Variants in CHD7 observed in about 807,000 individuals in gnomAD.
CHD7 encodes chromodomain helicase DNA binding protein 7.
Under a neutral mutation model 307.3 loss-of-function variants are expected in CHD7, and 24 were observed. The observed-to-expected ratio is 0.08, with a 90% confidence interval of 0.06 to 0.11. CHD7 has a LOEUF of 0.11. Among genes scored for constraint, CHD7 ranks in the 10% least tolerant of loss-of-function variants. The pLI, the probability that CHD7 is intolerant of heterozygous loss-of-function variation, is 1.00. For missense variants in CHD7, 3,106 were observed against 3,727.1 expected (o/e 0.83, Z 4.34); for synonymous variants, 1,363 against 1,349.9 (o/e 1.01, Z -0.21).
In CHD7 at chr8:60,801,522, T is replaced by C; in HGVS notation, c.2377-6T>C. Reference sequence around the variant, plus strand: ...TTTGGATTGATGCACATGCCTTTTTTTTTAGGAATCTGTTGATGCAGAAGG... The same window carrying C: ...TTTGGATTGATGCACATGCCTTTTTCTTTAGGAATCTGTTGATGCAGAAGG... On this transcript the variant is annotated splice_polypyrimidine_tract_variant and splice_region_variant and intron_variant, in intron 5 of 37. Coordinates refer to ENST00000423902, the MANE Select transcript of CHD7 (RefSeq NM_017780.4). 1 of 1,564,366 alleles carries C rather than the reference T, an allele frequency of 6.4e-7. No individual in the cohort carries two copies. Among genetic ancestry groups the C allele is most frequent in the Admixed American group, 1.9e-5 (1 of 52,806 alleles).
chr8:60,813,365 A>G (rs1223698647), intron 7 of CHD7, among the ~76,000 whole-genome samples: 1 of 152,122 alleles, frequency 6.6e-6, no homozygotes, highest in Non-Finnish European at 1.5e-5. Flanking sequence ...AGCTTTACTT[A>G]TTATTTTCTA....
rs2150786767 is a variant in CHD7, at chr8:60,841,973, C to T, written c.4771C>T (p.Pro1591Ser). The change falls in exon 21 of 38, where the codon CCA (proline) becomes TCA (serine). Residue 1591 changes from proline (P) to serine (S), a missense_variant. Coordinates refer to ENST00000423902, the MANE Select transcript of CHD7 (RefSeq NM_017780.4). ...SDSEEKPCAK[P>S]RRPQDKSQGY... ...TTCTGAAGAAAAGCCCTGTGCAAAG[C>T]CACGGCGTCCCCAGGATAAGTCACA... The T allele has an allele frequency of 1.2e-6, 2 of 1,613,660 alleles. No individual in the cohort carries two copies. Among genetic ancestry groups the T allele is most frequent in the Non-Finnish European group, 1.7e-6 (2 of 1,179,762 alleles).
chr8:60,845,089 C>T (rs1285978262), intron 22 of CHD7, 26 bp downstream of exon 22: 1 of 1,609,878 alleles, frequency 6.2e-7, no homozygotes. Flanking sequence ...GCTGTTTGTG[C>T]TACAGGGTCA....
intron 2 of CHD7, among the ~76,000 whole-genome samples, chr8:60,761,335 A>G (rs1226469068): frequency 9.2e-6 from 1 of 108,272 alleles, no homozygotes; most frequent in East Asian, 2.8e-4. Flanking sequence ...CACTCTGGGG[A>G]CTGTTGTGGG....
intron 1 of CHD7, among the ~76,000 whole-genome samples, chr8:60,718,683 A>G (rs1807741740): frequency 6.6e-6 from 1 of 152,244 alleles, no homozygotes; most frequent in African/African-American, 2.4e-5. Context: ...TTTATTGAAG[A>G]AAGAAAAATT....
At chr8:60,863,291 CCT>C (rs1806090637) in intron 37 of CHD7, 1 of 152,132 alleles carries the variant, frequency 6.6e-6, no homozygotes, top group South Asian at 2.1e-4. Flanking sequence ...GTTGTCCATC[CCT>C]GTCTTTTTGA....
intron 15 of CHD7, among the ~76,000 whole-genome samples, chr8:60,834,788 C>A (rs1380081880): frequency 6.6e-6 from 1 of 152,186 alleles, no homozygotes; most frequent in Admixed American, 6.5e-5. Flanking sequence ...TTGACCATGT[C>A]ATAAGGTAAT....
chr8:60,860,934 G>T lies in CHD7; in HGVS notation c.7639G>T (p.Glu2547Ter). ...TGCTGAGGTGACCAAAGCTTTTGAA[G>T]AAGATATAGAGACCCCACCAACAAG... ...EDAEVTKAFE[E>*]DIETPPTRNI... The change falls in exon 35 of 38, where the codon GAA (glutamate) becomes TAA (stop). Residue 2547 changes from glutamate to a stop codon, truncating the protein, a stop_gained. Coordinates refer to ENST00000423902, the MANE Select transcript of CHD7 (RefSeq NM_017780.4). LOFTEE classifies it high-confidence loss of function. The T allele has an allele frequency of 6.2e-7, 1 of 1,613,706 alleles. No individual in the cohort carries two copies. The highest frequency in any genetic ancestry group is 8.5e-7 in the Non-Finnish European group (1 of 1,179,796).
chr8:60,696,645 A>G (rs549564349), intron 1 of CHD7, among the ~76,000 whole-genome samples: 1 of 151,638 alleles, frequency 6.6e-6, no homozygotes, highest in East Asian at 1.9e-4. Flanking sequence ...CAGTCTTTCT[A>G]CTTTTTAAAT....
At chr8:60,823,519 T>G (rs1804139112) in intron 12 of CHD7, among the ~76,000 whole-genome samples, 1 of 152,212 alleles carries the variant, frequency 6.6e-6, no homozygotes, top group African/African-American at 2.4e-5. Flanking sequence ...AATCTGTGTT[T>G]ATCTTTAGAT....
At chr8:60,841,795 C>T (rs759382668) in intron 20 of CHD7, 41 bp downstream of exon 20, 1 of 1,608,366 alleles carries the variant, frequency 6.2e-7, no homozygotes, top group South Asian at 1.1e-5. Flanking sequence ...CTGATCTAAA[C>T]CAAGAGCCAC....
In CHD7 at chr8:60,820,063, T is replaced by C. The variant is rs1285260989; in HGVS notation, c.2670T>C (p.Phe890=). The C allele has an allele frequency of 1.2e-6, 2 of 1,611,182 alleles. No individual in the cohort carries two copies. The highest frequency in any genetic ancestry group is 1.3e-5 in the African/African-American group (1 of 74,968). The change falls in exon 9 of 38, where the codon TTT becomes TTC. Residue 890 remains phenylalanine (F), a synonymous_variant. Coordinates refer to ENST00000423902, the MANE Select transcript of CHD7 (RefSeq NM_017780.4). ...DYVEVDRIMD[F]ARSTDDRGEP... is the part of the protein sequence containing the mutation. Reference sequence around the variant, plus strand: ...TGGAGGTTGACCGGATAATGGACTTTGCACGTAGCACAGATGACCGGGGAG... The same window carrying C: ...TGGAGGTTGACCGGATAATGGACTTCGCACGTAGCACAGATGACCGGGGAG...
chr8:60,853,151 C>T lies in CHD7; in HGVS notation c.6426C>T (p.Ser2142=). 2 of 1,613,912 alleles carry T rather than the reference C, an allele frequency of 1.2e-6. No individual in the cohort carries two copies. Among genetic ancestry groups the T allele is most frequent in the South Asian group, 1.1e-5 (1 of 91,066 alleles). Reference sequence around the variant, plus strand: ...ACAGAGGGGCAGGTAATACATCTTCCTTGAACCCACTGGCAGTTGGATTTG... The same window carrying T: ...ACAGAGGGGCAGGTAATACATCTTCTTTGAACCCACTGGCAGTTGGATTTG... ...AQNRGAGNTS[S]LNPLAVGFVQ... The change falls in exon 31 of 38, where the codon TCC becomes TCT. Residue 2142 remains serine, a synonymous_variant. Transcript: ENST00000423902.
intron 2 of CHD7, among the ~76,000 whole-genome samples, chr8:60,760,500 A>G (rs1441147664): frequency 7.0e-6 from 1 of 143,616 alleles, no homozygotes; most frequent in Non-Finnish European, 1.5e-5. Flanking sequence ...AATGGGATCT[A>G]ATTAAACTAA....
chr8:60,779,558 A>C (rs1811105255), intron 2 of CHD7, among the ~76,000 whole-genome samples: 1 of 152,200 alleles, frequency 6.6e-6, no homozygotes. Flanking sequence ...TCTAGCAAAC[A>C]TAACCTAGCT....
intron 33 of CHD7, 104 bp downstream of exon 33, chr8:60,856,306 C>T: frequency 8.1e-7 from 1 of 1,232,458 alleles, no homozygotes; most frequent in Non-Finnish European, 1.1e-6. Context: ...AATAAGATAG[C>T]TGCTGTTTCC....
intron 8 of CHD7, among the ~76,000 whole-genome samples, chr8:60,817,723 T>C (rs763465131): frequency 2.0e-5 from 3 of 152,232 alleles, no homozygotes; most frequent in Non-Finnish European, 4.4e-5. Flanking sequence ...AATATTTGAT[T>C]TTGAGGACAA....
intron 1 of CHD7, among the ~76,000 whole-genome samples, chr8:60,723,416 C>G (rs1257267955): frequency 6.6e-6 from 1 of 151,968 alleles, no homozygotes; most frequent in Non-Finnish European, 1.5e-5. Flanking sequence ...TCAGTTATAC[C>G]TCAGTTATGC....
Position 60,854,537 on chromosome 8 carries a change from TG to T in CHD7, c.6936+15del. On this transcript the variant is annotated intron_variant, in intron 32 of 37. Coordinates refer to ENST00000423902, the MANE Select transcript of CHD7 (RefSeq NM_017780.4). ...TTTTGGCCTAAGGTTGGCAGGTTTT[TG>T]TTGCTGTTGTTTTGCTGACCAAAAA... 1 of 1,575,188 alleles carries T rather than the reference TG, an allele frequency of 6.3e-7. No homozygotes were observed. Among genetic ancestry groups the T allele is most frequent in the Non-Finnish European group, 8.7e-7 (1 of 1,155,414 alleles).
Sources: gnomAD v4.1 joint callset for allele counts (sites outside exome capture counted in the v4.1 genomes callset) on GRCh38, gnomAD v4.1.1 for gene constraint, MANE v1.5 for transcripts, NCBI Gene and HGNC (gene_info 2026-07-23, HGNC 2026-07-21) for gene names.